ASTN2: variants seen among roughly 807,000 people sequenced by gnomAD.
ASTN2 encodes astrotactin 2.
In ASTN2, 54 loss-of-function variants were observed where a neutral mutation model predicts 139.8. The ratio of observed to expected loss-of-function variants is 0.39; its 90% CI spans 0.31 to 0.48. ASTN2 has a LOEUF of 0.48. Ranked by LOEUF, ASTN2 falls within the 20% of genes least tolerant of loss-of-function variation. The pLI, the probability that ASTN2 is intolerant of heterozygous loss-of-function variation, is 0.95. For synonymous variants in ASTN2, 756 were observed against 719.5 expected, an observed-to-expected ratio of 1.05 and a Z score of -0.81; for missense variants, 1,565 against 1,725.1, an observed-to-expected ratio of 0.91 and a Z score of 1.64.
chr9:116,961,134 C>T (rs981331678), intron 10 of ASTN2, among the ~76,000 whole-genome samples: 5 of 152,116 alleles, frequency 3.3e-5, no homozygotes, highest in African/African-American at 1.2e-4. Flanking sequence ...GATGGCCATG[C>T]ACCCTTCCCC....
At chr9:116,990,647 C>T (rs565751342) in intron 7 of ASTN2, among the ~76,000 whole-genome samples, 1 of 152,332 alleles carries the variant, frequency 6.6e-6, no homozygotes, top group Admixed American at 6.5e-5. Context: ...CTTTGCACCA[C>T]TCTCAAACAA....
intron 20 of ASTN2, among the ~76,000 whole-genome samples, chr9:116,472,928 GAA>G (rs71377245): frequency 3.1e-5 from 4 of 130,826 alleles, no homozygotes; most frequent in Admixed American, 7.8e-5. Context: ...CTCTGTCTTG[GAA>G]AAAAAAAAAA....
chr9:116,736,370 A>G (rs1828925518), intron 13 of ASTN2, among the ~76,000 whole-genome samples: 1 of 152,190 alleles, frequency 6.6e-6, no homozygotes, highest in Non-Finnish European at 1.5e-5. Flanking sequence ...TGCCTGGCAT[A>G]GAGTCTTTGT....
chr9:116,902,803 C>T (rs1834048504), intron 10 of ASTN2, among the ~76,000 whole-genome samples: 1 of 152,158 alleles, frequency 6.6e-6, no homozygotes, highest in Non-Finnish European at 1.5e-5. Flanking sequence ...AGGGTAGATA[C>T]TGTTCCTTAT....
At chr9:116,740,452 T>C (rs1402591811) in intron 13 of ASTN2, among the ~76,000 whole-genome samples, 3 of 152,140 alleles carry the variant, frequency 2.0e-5, no homozygotes, top group African/African-American at 7.2e-5. Flanking sequence ...ATCTGTAACA[T>C]GGGGATAATG....
intron 1 of ASTN2, among the ~76,000 whole-genome samples, chr9:117,307,179 G>T (rs550903334): frequency 4.1e-4 from 63 of 152,310 alleles, no homozygotes; most frequent in African/African-American, 1.5e-3. Flanking sequence ...ACAAACACAT[G>T]TACTTCCTTG....
At position 117,143,519 on chromosome 9, in the gene ASTN2, T is replaced by C. The variant is rs139917864; in HGVS notation, c.1016-2041A>G. 4.3e-3 allele frequency among the ~76,000 whole-genome samples: 662 copies of C among 152,346 alleles called. 4 individuals are homozygous for C. The highest frequency in any genetic ancestry group is 0.015 in the African/African-American group (618 of 41,596). On this transcript the variant is annotated intron_variant, in intron 3 of 22. Transcript: ENST00000313400. ...CTGTCAATATTCATTCATTCATTCA[T>C]TTCTCCACTTATTCATTGATTCATT...
intron 1 of ASTN2, among the ~76,000 whole-genome samples, chr9:117,381,027 A>G (rs763990580): frequency 6.6e-6 from 1 of 152,252 alleles, no homozygotes; most frequent in Non-Finnish European, 1.5e-5. Flanking sequence ...AGATGCATGG[A>G]TAAATAAAAT....
chr9:116,809,956 A>G (rs575341655), intron 12 of ASTN2, among the ~76,000 whole-genome samples: 2 of 152,180 alleles, frequency 1.3e-5, no homozygotes, highest in Admixed American at 1.3e-4. Context: ...TTTTCAAAAC[A>G]TCCTGTGATT....
At chr9:116,901,460 T>C (rs1002915073) in intron 10 of ASTN2, among the ~76,000 whole-genome samples, 1 of 152,162 alleles carries the variant, frequency 6.6e-6, no homozygotes, top group South Asian at 2.1e-4. Flanking sequence ...GAGGCAGCAG[T>C]GAGCTGAGAT....
chr9:117,107,257 A>T (rs1829130775), intron 4 of ASTN2, among the ~76,000 whole-genome samples: 1 of 152,098 alleles, frequency 6.6e-6, no homozygotes, highest in South Asian at 2.1e-4. Flanking sequence ...TCACTATTTT[A>T]TCACACATTC....
At chr9:117,299,719 C>A (rs534770123) in intron 1 of ASTN2, among the ~76,000 whole-genome samples, 1 of 152,250 alleles carries the variant, frequency 6.6e-6, no homozygotes, top group Non-Finnish European at 1.5e-5. Flanking sequence ...TGCAATCAGA[C>A]CAAGCCCGAG....
chr9:117,276,978 T>C (rs1834206498), intron 2 of ASTN2: 1 of 152,256 alleles, frequency 6.6e-6, no homozygotes, highest in South Asian at 2.1e-4. Flanking sequence ...TTCGATGAAC[T>C]GTAGGTGGAC....
At chr9:117,004,123 T>G (rs535227888) in intron 7 of ASTN2, among the ~76,000 whole-genome samples, 64 of 152,060 alleles carry the variant, frequency 4.2e-4, no homozygotes, top group African/African-American at 1.4e-3. Flanking sequence ...GCTATTTATT[T>G]ATTGATTGAT....
intron 15 of ASTN2, among the ~76,000 whole-genome samples, chr9:116,727,200 G>A (rs971337824): frequency 5.9e-5 from 9 of 151,954 alleles, no homozygotes; most frequent in Non-Finnish European, 1.2e-4. Flanking sequence ...CCTTAAAGTC[G>A]GAAGCTCTAC....
At chr9:117,063,347 G>A (rs968618640) in intron 5 of ASTN2, among the ~76,000 whole-genome samples, 21 of 152,242 alleles carry the variant, frequency 1.4e-4, no homozygotes, top group Admixed American at 5.2e-4. Context: ...ATGTATTACG[G>A]GAGGGACCCA....
chr9:116,939,694 G>A (rs892861341), intron 10 of ASTN2, among the ~76,000 whole-genome samples: 7 of 152,098 alleles, frequency 4.6e-5, no homozygotes, highest in South Asian at 4.1e-4. Flanking sequence ...GGCCTGTTCT[G>A]AGTGCTAGAG....
chr9:116,670,334 G>C (rs528204864), intron 16 of ASTN2, among the ~76,000 whole-genome samples: 2 of 152,014 alleles, frequency 1.3e-5, no homozygotes, highest in African/African-American at 4.8e-5. Flanking sequence ...CAATCCCCCC[G>C]GACAAAGTGT....
At chr9:116,981,917 A>G (rs1025236976) in intron 7 of ASTN2, among the ~76,000 whole-genome samples, 2 of 152,236 alleles carry the variant, frequency 1.3e-5, no homozygotes, top group Non-Finnish European at 2.9e-5. Context: ...ATTTACCAGA[A>G]CTGTGTTATC....
Sources: gnomAD v4.1 joint callset for allele counts (sites outside exome capture counted in the v4.1 genomes callset) on GRCh38, gnomAD v4.1.1 for gene constraint, MANE v1.5 for transcripts, NCBI Gene and HGNC (gene_info 2026-07-23, HGNC 2026-07-21) for gene names.